Variants in MAGI2 observed in about 807,000 individuals in gnomAD.
MAGI2 encodes the protein membrane associated guanylate kinase, WW and PDZ domain containing 2, also known as membrane-associated guanylate kinase, WW and PDZ domain-containing protein 2.
In MAGI2, 35 loss-of-function variants were observed where a neutral mutation model predicts 133.3. The ratio of observed to expected loss-of-function variants is 0.26; its 90% CI spans 0.20 to 0.35. The LOEUF is 0.35. Among genes scored for constraint, MAGI2 ranks in the 10% least tolerant of loss-of-function variants. The pLI, the probability that MAGI2 is intolerant of heterozygous loss-of-function variation, is 1.00. For synonymous variants in MAGI2, 729 were observed against 710.6 expected, an observed-to-expected ratio of 1.03 and a Z score of -0.41; for missense variants, 1,636 against 1,863.4, an observed-to-expected ratio of 0.88 and a Z score of 2.25.
At chr7:78,838,461 C>T (rs1791847082) in intron 2 of MAGI2, among the ~76,000 whole-genome samples, 1 of 151,058 alleles carries the variant, frequency 6.6e-6, no homozygotes, top group Non-Finnish European at 1.5e-5. Flanking sequence ...TTTTTCTCTC[C>T]AAAATAGTAT....
At chr7:78,476,461 T>C (rs1791759171) in intron 6 of MAGI2, among the ~76,000 whole-genome samples, 1 of 151,902 alleles carries the variant, frequency 6.6e-6, no homozygotes, top group African/African-American at 2.4e-5. Flanking sequence ...GTTGGCCAAA[T>C]ATGGAAAATA....
chr7:78,806,730 G>T (rs562609288), intron 2 of MAGI2, among the ~76,000 whole-genome samples: 4 of 151,732 alleles, frequency 2.6e-5, no homozygotes, highest in South Asian at 4.2e-4. Flanking sequence ...GCCAAGCATG[G>T]TGTTGCATGC....
chr7:78,054,778 G>A (rs1812393847), intron 21 of MAGI2, among the ~76,000 whole-genome samples: 1 of 151,772 alleles, frequency 6.6e-6, no homozygotes, highest in African/African-American at 2.4e-5. Flanking sequence ...TCAACCTCCT[G>A]AGTAGCTGGG....
intron 2 of MAGI2, among the ~76,000 whole-genome samples, chr7:78,687,252 A>G (rs769490799): frequency 1.2e-4 from 18 of 152,180 alleles, no homozygotes; most frequent in Non-Finnish European, 2.2e-4. Flanking sequence ...GATCAGGAGT[A>G]TATAAACGCT....
intron 21 of MAGI2, among the ~76,000 whole-genome samples, chr7:78,024,910 C>G (rs191695070): frequency 3.6e-4 from 55 of 152,342 alleles, no homozygotes; most frequent in African/African-American, 1.3e-3. Flanking sequence ...ACTCTTCTTT[C>G]ATTCTACTCT....
At chr7:79,416,704 TTTTTC>T (rs1320078033) in intron 1 of MAGI2, among the ~76,000 whole-genome samples, 8 of 150,462 alleles carry the variant, frequency 5.3e-5, no homozygotes, top group African/African-American at 1.2e-4. Context: ...CATTGTTTCT[TTTTTC>T]TTTTCTTTTC....
chr7:78,779,297 C>G (rs1369616482), intron 2 of MAGI2, among the ~76,000 whole-genome samples: 1 of 152,108 alleles, frequency 6.6e-6, no homozygotes, highest in Non-Finnish European at 1.5e-5. Context: ...CTGATCTGCC[C>G]ACATCTCCTT....
At chr7:79,053,415 A>C (rs996881714) in intron 1 of MAGI2, among the ~76,000 whole-genome samples, 1 of 152,204 alleles carries the variant, frequency 6.6e-6, no homozygotes, top group African/African-American at 2.4e-5. Flanking sequence ...TATGCCCAGC[A>C]AATACTCAAC....
intron 10 of MAGI2, among the ~76,000 whole-genome samples, chr7:78,208,818 G>A (rs545113845): frequency 4.6e-5 from 7 of 151,986 alleles, no homozygotes; most frequent in Middle Eastern, 3.4e-3. Context: ...TGTCTTACAA[G>A]CATCATAAAT....
intron 1 of MAGI2, among the ~76,000 whole-genome samples, chr7:79,011,613 G>A (rs1274558854): frequency 6.6e-6 from 1 of 152,048 alleles, no homozygotes; most frequent in Non-Finnish European, 1.5e-5. Flanking sequence ...TTCACTAATT[G>A]GGATAGTAGG....
At chr7:78,810,089 G>T (rs1360476429) in intron 2 of MAGI2, among the ~76,000 whole-genome samples, 2 of 152,090 alleles carry the variant, frequency 1.3e-5, no homozygotes, top group South Asian at 2.1e-4. Context: ...ACATCTTTAG[G>T]TCACATGGAA....
intron 2 of MAGI2, among the ~76,000 whole-genome samples, chr7:78,766,108 G>C (rs183940323): frequency 7.0e-4 from 107 of 152,294 alleles, no homozygotes; most frequent in Admixed American, 2.8e-3. Context: ...AAATAACCCA[G>C]AGGGTTTGGT....
chr7:78,960,814 T>C (rs1010093556), intron 2 of MAGI2, among the ~76,000 whole-genome samples: 6 of 152,116 alleles, frequency 3.9e-5, no homozygotes, highest in Admixed American at 3.9e-4. Context: ...TTCACTCTGA[T>C]TGGTTAAGGA....
intron 2 of MAGI2, among the ~76,000 whole-genome samples, chr7:79,003,078 C>T (rs1273530018): frequency 6.6e-6 from 1 of 152,014 alleles, no homozygotes; most frequent in Non-Finnish European, 1.5e-5. Flanking sequence ...CCACCTTCCT[C>T]CCCTGCTTAG....
intron 3 of MAGI2, among the ~76,000 whole-genome samples, chr7:78,592,229 A>G (rs543344697): frequency 3.0e-4 from 46 of 152,322 alleles, no homozygotes; most frequent in African/African-American, 1.1e-3. Flanking sequence ...AAACAAATAT[A>G]TTTTTAAAAA....
chr7:79,027,189 G>T (rs1335954531), intron 1 of MAGI2, among the ~76,000 whole-genome samples: 1 of 151,922 alleles, frequency 6.6e-6, no homozygotes, highest in Non-Finnish European at 1.5e-5. Flanking sequence ...TCTCACGTCT[G>T]GGTATTACTC....
intron 6 of MAGI2, among the ~76,000 whole-genome samples, chr7:78,473,556 C>T (rs1330987512): frequency 2.6e-5 from 4 of 151,992 alleles, no homozygotes; most frequent in Non-Finnish European, 5.9e-5. Flanking sequence ...TCTGGTATGA[C>T]GTACTTCTTC....
At chr7:78,841,503 T>C (rs1411667166) in intron 2 of MAGI2, among the ~76,000 whole-genome samples, 2 of 151,958 alleles carry the variant, frequency 1.3e-5, no homozygotes, top group African/African-American at 2.4e-5. Context: ...ACACATGCCT[T>C]ATGCATCCCT....
chr7:78,827,850 A>G (rs918268105), intron 2 of MAGI2, among the ~76,000 whole-genome samples: 3 of 152,076 alleles, frequency 2.0e-5, no homozygotes, highest in Admixed American at 1.3e-4. Context: ...TTGGTATATC[A>G]CCCTTGAGGA....
Sources: allele counts gnomAD v4.1 joint callset (sites outside exome capture counted in the v4.1 genomes callset), GRCh38; gene constraint gnomAD v4.1.1; transcripts MANE v1.5; gene names NCBI Gene and HGNC (gene_info 2026-07-23, HGNC 2026-07-21).